The following MTMR10 variants were observed in gnomAD, a reference collection of about 807,000 sequenced individuals.
The protein encoded by MTMR10 is myotubularin-related protein 10.
A neutral mutation model predicts 88.1 loss-of-function variants in MTMR10; 56 were observed. The observed-to-expected ratio is 0.64, with a 90% CI of 0.51 to 0.79. The LOEUF (loss-of-function observed/expected upper bound fraction) is 0.79. Among genes scored for constraint, MTMR10 ranks in the 30% least tolerant of loss-of-function variants. MTMR10 has a pLI of 0.00. For synonymous variants in MTMR10, 380 were observed against 340.9 expected (o/e 1.11, Z -1.26); for missense variants, 883 against 924.7 (o/e 0.95, Z 0.58).
chr15:30,991,426 T>G (rs1309073646), intron 1 of MTMR10, 21 bp downstream of exon 1: 1 of 1,470,966 alleles, frequency 6.8e-7, no homozygotes, highest in Non-Finnish European at 9.0e-7. Flanking sequence ...AGTCGGGCGC[T>G]CGCGGGGAGG....
downstream of MTMR10, among the ~76,000 whole-genome samples, chr15:30,935,611 C>CT (rs35505350): frequency 0.76 from 115,343 of 151,992 alleles, 44,922 homozygotes; most frequent in Non-Finnish European, 0.85. Flanking sequence ...ATATCAGGGA[C>CT]TTGAGCATCC....
chr15:30,943,000 A>C lies in MTMR10; in HGVS notation c.1621T>G (p.Ser541Ala). ...GLKFPSVWDW[S>A]LQFTAKDRTL... ...CGATCCTTTGCTGTAAACTGGAGAGACCAGTCCCAAACAGAGGGGAATTTT... is the reference window on the plus strand; with the variant it reads ...CGATCCTTTGCTGTAAACTGGAGAGCCCAGTCCCAAACAGAGGGGAATTTT... Residue 541 changes from serine (S) to alanine (A), a missense_variant, in exon 15 of 16, where the codon TCT (serine) becomes GCT (alanine). This residue lies in a region of MTMR10 where 343 missense variants were observed against 323.2 expected (regional missense o/e 1.06). Transcript: ENST00000435680. 6.4e-7 allele frequency: 1 copy of C among 1,552,562 alleles called. No individual in the cohort carries two copies. Among genetic ancestry groups the C allele is most frequent in the Non-Finnish European group, 8.7e-7 (1 of 1,147,242 alleles).
At chr15:30,974,044 T>A (rs759561989) in intron 5 of MTMR10, among the ~76,000 whole-genome samples, 2 of 152,196 alleles carry the variant, frequency 1.3e-5, no homozygotes, top group African/African-American at 4.8e-5. Flanking sequence ...CAAGTAATGA[T>A]CTTTATGTAA....
chr15:30,922,461 T>G, the MTMR10 span: 6 of 1,142,804 alleles, frequency 5.3e-6, no homozygotes, highest in African/African-American at 6.2e-5. Flanking sequence ...GAACATGTAT[T>G]TCTTTTGTTA....
Position 30,942,940 on chromosome 15 carries a change from T to G in MTMR10, c.1681A>C (p.Ser561Arg), listed in dbSNP as rs933846468. The G allele has an allele frequency of 6.4e-7, 1 of 1,566,624 alleles. No individual in the cohort carries two copies. Among genetic ancestry groups the G allele is most frequent in the African/African-American group, 1.3e-5 (1 of 74,152 alleles). Residue 561 changes from serine to arginine, a missense_variant, in exon 15 of 16, where the codon AGC (serine) becomes CGC (arginine). Coordinates refer to ENST00000435680, the MANE Select transcript of MTMR10 (RefSeq NM_017762.3). The stretch of plus-strand genomic sequence containing the variant: ...GAGCCATTCTGTATACAAGGTGTGC[T>G]CTTTCCAATGTAGAAGGGGTTATGG... The part of the protein sequence containing the change: ...LFHNPFYIGK[S>R]TPCIQNGSVK...
At chr15:30,926,988 A>G in the MTMR10 span, 2 of 985,454 alleles carry the variant, frequency 2.0e-6, no homozygotes, top group Non-Finnish European at 2.4e-6. Context: ...TTTCACTTAT[A>G]ACACAAATGC....
At chr15:30,991,231 C>T in intron 1 of MTMR10, 1 of 498,796 alleles carries the variant, frequency 2.0e-6, no homozygotes, top group Non-Finnish European at 3.4e-6. Flanking sequence ...GAACTTCGGG[C>T]AGAGAATGGC....
At position 30,974,171 on chromosome 15, in the gene MTMR10, TG is replaced by T. The variant is rs141963614; in HGVS notation, c.474+142del. 3,677 of 765,062 alleles carry T rather than the reference TG, an allele frequency of 4.8e-3. 91 individuals are homozygous for T. In the African/African-American group the frequency reaches 0.061, roughly 13 times the overall value. 47.4% of individuals were successfully genotyped at this position (765,062 alleles called of 1,614,324 possible). A position where few individuals can be genotyped will look rare whatever the true frequency, so the allele number is the denominator to read the frequency against. ...AAGAAAATAGTTCTATTAATATTCT[TG>T]GCTTTGACTTTACTTAAGAAGATGT... On this transcript the variant is annotated intron_variant, in intron 5 of 15. Coordinates refer to ENST00000435680, the MANE Select transcript of MTMR10 (RefSeq NM_017762.3).
At chr15:30,936,503 A>G (rs190359823), downstream of MTMR10, among the ~76,000 whole-genome samples, 72 of 152,352 alleles carry the variant, frequency 4.7e-4, no homozygotes, top group Non-Finnish European at 9.0e-4. Context: ...TTCATTTGCT[A>G]TACTAAGAAT....
chr15:30,929,358 T>C, the MTMR10 span: 1 of 1,611,704 alleles, frequency 6.2e-7, no homozygotes, highest in African/African-American at 1.3e-5. Context: ...TGGCTTCCCT[T>C]GTCAGCTGGG....
chr15:30,976,720 T>C, intron 3 of MTMR10, 99 bp downstream of exon 3: 1 of 1,326,640 alleles, frequency 7.5e-7, no homozygotes, highest in Admixed American at 2.5e-5. Context: ...TACCTAATAC[T>C]TCTACTATAA....
At chr15:30,922,318 C>G in the MTMR10 span, 1 of 1,613,816 alleles carries the variant, frequency 6.2e-7, no homozygotes. Flanking sequence ...ATCGACTGGC[C>G]CTTAATTTAC....
At chr15:30,971,942 AAAC>A (rs1324040041) in intron 5 of MTMR10, among the ~76,000 whole-genome samples, 1 of 152,170 alleles carries the variant, frequency 6.6e-6, no homozygotes, top group Non-Finnish European at 1.5e-5. Context: ...AATACAATTG[AAAC>A]AACACCAACA....
Position 30,939,952 on chromosome 15 carries a change from G to A in MTMR10, c.*1518C>T. ...CTTAAGATATTTTTTAAGAACTCCT[G>A]TCCTGTTATATCCAGAGACATTATC... On this transcript the variant is annotated 3_prime_UTR_variant, in exon 16 of 16. Transcript: ENST00000435680. 1.0e-6 allele frequency: 1 copy of A among 984,122 alleles called. No homozygotes were observed. The highest frequency in any genetic ancestry group is 1.2e-6 in the Non-Finnish European group (1 of 828,750). The allele number at this position is 984,122 out of a possible 1,614,324, so 61.0% of individuals were successfully genotyped here.
At chr15:30,961,423 T>C (rs1259642736) in intron 6 of MTMR10, among the ~76,000 whole-genome samples, 1 of 152,106 alleles carries the variant, frequency 6.6e-6, no homozygotes, top group Non-Finnish European at 1.5e-5. Context: ...GTATTTTTAA[T>C]AGAGACAGGG....
intron 9 of MTMR10, among the ~76,000 whole-genome samples, chr15:30,955,312 C>G (rs2063307167): frequency 6.6e-6 from 1 of 152,192 alleles, no homozygotes; most frequent in Non-Finnish European, 1.5e-5. Context: ...ATACTGTCGC[C>G]CAGGCTGGAG....
the MTMR10 span, among the ~76,000 whole-genome samples, chr15:30,919,620 C>T: frequency 6.9e-6 from 1 of 144,732 alleles, no homozygotes; most frequent in South Asian, 2.1e-4. Flanking sequence ...ACCTGGGAGA[C>T]AGAGGTTGTA....
At chr15:30,924,934 T>G in the MTMR10 span, among the ~76,000 whole-genome samples, 1 of 152,214 alleles carries the variant, frequency 6.6e-6, no homozygotes, top group Admixed American at 6.5e-5. Flanking sequence ...CTGTGAAGGC[T>G]CTGGTTGCCA....
chr15:30,926,325 G>A, the MTMR10 span, among the ~76,000 whole-genome samples: 7 of 152,174 alleles, frequency 4.6e-5, no homozygotes, highest in South Asian at 1.4e-3. Flanking sequence ...TATCCTCTCA[G>A]GGGCCCTGCG....
Sources: allele counts gnomAD v4.1 joint callset (sites outside exome capture counted in the v4.1 genomes callset), GRCh38; gene constraint gnomAD v4.1.1; regional missense constraint gnomAD v4.1.1; transcripts MANE v1.5; gene names NCBI Gene and HGNC (gene_info 2026-07-23, HGNC 2026-07-21).